ZRANB1: variants seen among roughly 807,000 people sequenced by gnomAD.
ZRANB1 encodes zinc finger RANBP2-type containing 1.
In ZRANB1, 16 loss-of-function variants were observed where a neutral mutation model predicts 80.5. The ratio of observed to expected loss-of-function variants is 0.20; its 90% CI spans 0.13 to 0.30. The LOEUF (loss-of-function observed/expected upper bound fraction) is 0.30. ZRANB1 is among the 10% of genes least tolerant of loss of function. ZRANB1 has a pLI of 1.00. For missense variants in ZRANB1, 576 were observed against 862.6 expected, an observed-to-expected ratio of 0.67 and a Z score of 4.16; for synonymous variants, 291 against 293.1, an observed-to-expected ratio of 0.99 and a Z score of 0.07.
At chr10:124,928,920 T>G in the ZRANB1 span, among the ~76,000 whole-genome samples, 5 of 152,256 alleles carry the variant, frequency 3.3e-5, no homozygotes, top group African/African-American at 1.2e-4. Context: ...AGGAGATTTC[T>G]AATACAAAGC....
rs1952080145 is a variant in ZRANB1 at position 124,987,386 on chromosome 10, GT to G, written c.*2397del. 6.6e-6 allele frequency: 1 copy of G among 151,248 alleles called. No homozygotes were observed. Among genetic ancestry groups the G allele is most frequent in the African/African-American group, 2.4e-5 (1 of 41,100 alleles). 9.4% of individuals were successfully genotyped at this position (151,248 alleles called of 1,614,324 possible). A position where few individuals can be genotyped will look rare whatever the true frequency, so the allele number is the denominator to read the frequency against. Reference sequence around the variant, plus strand: ...TTTATATATATATATATAAATTTTTGTTTGGGCGACCAAGATCTAATAATTA... The same window carrying G: ...TTTATATATATATATATAAATTTTTGTTGGGCGACCAAGATCTAATAATTA... On this transcript the variant is annotated 3_prime_UTR_variant, in exon 9 of 9. Coordinates refer to ENST00000359653, the MANE Select transcript of ZRANB1 (RefSeq NM_017580.3).
At chr10:124,949,423 G>GTA (rs1386808978) in intron 1 of ZRANB1, among the ~76,000 whole-genome samples, 365 of 140,228 alleles carry the variant, frequency 2.6e-3, no homozygotes, top group African/African-American at 8.1e-3. Flanking sequence ...ACATATATAT[G>GTA]TATATATATA....
At chr10:124,931,129 G>C in the ZRANB1 span, among the ~76,000 whole-genome samples, 1 of 152,172 alleles carries the variant, frequency 6.6e-6, no homozygotes, top group Non-Finnish European at 1.5e-5. Context: ...TGGCTGTAGT[G>C]CAGTGGTGTG....
chr10:124,983,800 A>T lies in ZRANB1; in HGVS notation c.1908+112A>T. 2.6e-6 allele frequency: 2 copies of T among 759,552 alleles called. No homozygotes were observed. The highest frequency in any genetic ancestry group is 5.4e-5 in the East Asian group (2 of 36,968). 47.1% of individuals were successfully genotyped at this position (759,552 alleles called of 1,614,324 possible). A position where few individuals can be genotyped will look rare whatever the true frequency, so the allele number is the denominator to read the frequency against. ...CACTATCACTTAATTTCTGAATGTG[A>T]TGGTAGTAATTGCTGAAGGTACTAG... is the stretch of plus-strand genomic sequence containing the variant. On this transcript the variant is annotated intron_variant, in intron 8 of 8. Transcript: ENST00000359653. The surrounding 1 kb of genome is among the most constrained non-coding windows in gnomAD (Gnocchi z 6.2).
chr10:124,985,094 T>C lies in ZRANB1; in HGVS notation c.*102T>C, dbSNP rs1952003725. The C allele has an allele frequency of 1.2e-6, 1 of 864,076 alleles. No homozygotes were observed. The highest frequency in any genetic ancestry group is 1.8e-6 in the Non-Finnish European group (1 of 553,192). 53.5% of individuals were successfully genotyped at this position (864,076 alleles called of 1,614,324 possible). A position where few individuals can be genotyped will look rare whatever the true frequency, so the allele number is the denominator to read the frequency against. ...AGTCGACATCATGGAATGAACCAAATCTGGCAGGATCTGCTCGGGGAAGTG... is the reference window on the plus strand; with the variant it reads ...AGTCGACATCATGGAATGAACCAAACCTGGCAGGATCTGCTCGGGGAAGTG... On this transcript the variant is annotated 3_prime_UTR_variant, in exon 9 of 9. Transcript: ENST00000359653.
intron 6 of ZRANB1, among the ~76,000 whole-genome samples, chr10:124,982,508 C>G (rs899129878): frequency 6.6e-6 from 1 of 152,170 alleles, no homozygotes; most frequent in African/African-American, 2.4e-5. Context: ...CCCTTAGACT[C>G]TTGGTTTCAT....
intron 1 of ZRANB1, among the ~76,000 whole-genome samples, chr10:124,953,643 G>A (rs1951661614): frequency 6.6e-6 from 1 of 152,186 alleles, no homozygotes. Flanking sequence ...TGTTTGCTCT[G>A]CTCATGTTGG....
intron 1 of ZRANB1, among the ~76,000 whole-genome samples, chr10:124,944,487 C>G (rs1951562855): frequency 8.3e-4 from 1 of 1,198 alleles, no homozygotes; most frequent in African/African-American, 1.4e-3. Context: ...ATATCATTCC[C>G]CCCCCCCCCC....
chr10:124,937,340 CCA>C (rs1951496862), upstream of ZRANB1, among the ~76,000 whole-genome samples: 1 of 151,814 alleles, frequency 6.6e-6, no homozygotes, highest in Non-Finnish European at 1.5e-5. Context: ...GCACCTGCCA[CCA>C]CGCCCAGCAA....
chr10:124,945,290 CTG>C (rs1951570775), intron 1 of ZRANB1: 1 of 151,840 alleles, frequency 6.6e-6, no homozygotes, highest in South Asian at 2.1e-4. Context: ...CTTTTGGTGT[CTG>C]TGGATTTACC....
chr10:124,981,970 C>T (rs1446681691), intron 6 of ZRANB1, 141 bp downstream of exon 6: 1 of 936,840 alleles, frequency 1.1e-6, no homozygotes, highest in Non-Finnish European at 1.6e-6. Flanking sequence ...AACTTGGGTT[C>T]TAGTGATGAC....
rs771126463 is a variant in ZRANB1 at position 124,983,223 on chromosome 10, C to T, written c.1597C>T (p.Leu533Phe). The T allele has an allele frequency of 1.9e-6, 3 of 1,614,164 alleles. No individual in the cohort carries two copies. The highest frequency in any genetic ancestry group is 3.3e-5 in the Admixed American group (2 of 60,020). Residue 533 changes from leucine to phenylalanine, a missense_variant, in exon 7 of 9, where the codon CTT (leucine) becomes TTT (phenylalanine). Coordinates refer to ENST00000359653, the MANE Select transcript of ZRANB1 (RefSeq NM_017580.3). This position sits in a 1 kb window ranked among gnomAD's most constrained non-coding sequence, Gnocchi z 6.2. The stretch of plus-strand genomic sequence containing the variant: ...GCACATTTTTGTACTGGCACATATT[C>T]TTAGACGACCAATTATAGTTTATGG... The part of the protein sequence containing the change: ...QTHIFVLAHI[L>F]RRPIIVYGVK...
chr10:124,984,736 T>C (rs2134006499), intron 8 of ZRANB1, 38 bp from the exon 9 acceptor site: 1 of 1,596,758 alleles, frequency 6.3e-7, no homozygotes, highest in Non-Finnish European at 8.6e-7. Context: ...TCTGATCTGT[T>C]GTATGATTTT....
intron 1 of ZRANB1, among the ~76,000 whole-genome samples, chr10:124,943,530 T>TGA (rs754581384): frequency 6.9e-6 from 1 of 145,904 alleles, no homozygotes; most frequent in Admixed American, 7.0e-5. Flanking sequence ...AAAATGTGAG[T>TGA]GTGTGTGTGT....
rs771148303 is a variant in ZRANB1 at position 124,942,442 on chromosome 10, C to A, written c.-52C>A. 2.1e-5 allele frequency: 33 copies of A among 1,607,004 alleles called. 1 individual carries two copies. The African/African-American group carries it at 2.4e-4, about 12-fold the overall frequency. On this transcript the variant is annotated 5_prime_UTR_variant, in exon 1 of 9. Coordinates refer to ENST00000359653, the MANE Select transcript of ZRANB1 (RefSeq NM_017580.3). ...AATGTAGTTATTTTAATAACCATGT[C>A]CTAATTATTTATAGCTTCCTGCCTG...
chr10:124,963,288 A>C (rs1395556232), intron 1 of ZRANB1, among the ~76,000 whole-genome samples: 1 of 148,650 alleles, frequency 6.7e-6, no homozygotes, highest in Non-Finnish European at 1.5e-5. Flanking sequence ...AAAAAAAAAA[A>C]ATGCTTCAGT....
At position 124,951,613 on chromosome 10, in the gene ZRANB1, A is replaced by T. The variant is rs1006815278; in HGVS notation, c.814+8306A>T. Among the ~76,000 whole-genome samples the T allele has an allele frequency of 4.6e-5, 7 of 152,182 alleles. No homozygotes were observed. The East Asian group carries it at 1.3e-3, about 29-fold the overall frequency. On this transcript the variant is annotated intron_variant, in intron 1 of 8. Coordinates refer to ENST00000359653, the MANE Select transcript of ZRANB1 (RefSeq NM_017580.3). ...TTTAAAAATTATTTCTTTCACAAGG[A>T]TATTTTATTGATGACTTACCTGAAG...
Position 124,972,127 on chromosome 10 carries a change from A to C in ZRANB1, c.1156+9A>C, listed in dbSNP as rs747856516. ...ATTTACATTGCCAGCAGGTAACTCC[A>C]AAATCTAACGTAAAAAGACTTTTTT... On this transcript the variant is annotated intron_variant, in intron 3 of 8. Transcript: ENST00000359653. The C allele has an allele frequency of 4.4e-6, 7 of 1,606,714 alleles. No individual in the cohort carries two copies. The African/African-American group carries it at 9.4e-5, about 22-fold the overall frequency.
the ZRANB1 span, among the ~76,000 whole-genome samples, chr10:124,922,336 A>ATATATATATATAT: frequency 2.2e-5 from 1 of 44,774 alleles, no homozygotes; most frequent in Non-Finnish European, 5.8e-5. Flanking sequence ...GTATATATAT[A>ATATATATATATAT]TTTTTTTTTT....
Sources: allele counts gnomAD v4.1 joint callset (sites outside exome capture counted in the v4.1 genomes callset), GRCh38; gene constraint gnomAD v4.1.1; non-coding constraint Gnocchi (gnomAD v3.1); transcripts MANE v1.5; gene names NCBI Gene and HGNC (gene_info 2026-07-23, HGNC 2026-07-21).